CFAP54: variants seen among roughly 807,000 people sequenced by gnomAD.
CFAP54 encodes cilia and flagella associated protein 54.
In CFAP54, 290 loss-of-function variants were observed where a neutral mutation model predicts 370.4. The observed-to-expected ratio is 0.78, with a 90% CI of 0.71 to 0.86. The LOEUF (loss-of-function observed/expected upper bound fraction) is 0.86. Among genes scored for constraint, CFAP54 ranks in the 40% least tolerant of loss-of-function variants. The pLI is 0.00. For synonymous variants in CFAP54, 1,206 were observed against 1,236.5 expected (o/e 0.98, Z 0.52); for missense variants, 3,399 against 3,528.7 (o/e 0.96, Z 0.93).
intron 60 of CFAP54, among the ~76,000 whole-genome samples, chr12:96,782,542 C>T (rs1014507408): frequency 3.3e-5 from 5 of 151,890 alleles, no homozygotes; most frequent in Non-Finnish European, 5.9e-5. Context: ...TATATAAGAC[C>T]TCTAGGGATT....
At chr12:96,727,868 C>T (rs1035537585) in intron 50 of CFAP54, among the ~76,000 whole-genome samples, 6 of 151,192 alleles carry the variant, frequency 4.0e-5, no homozygotes, top group Non-Finnish European at 2.9e-5. Context: ...TTAGGGCAGG[C>T]CTGGTGGTGA....
At chr12:96,734,474 T>A (rs143203586) in intron 50 of CFAP54, among the ~76,000 whole-genome samples, 20 of 152,318 alleles carry the variant, frequency 1.3e-4, no homozygotes, top group African/African-American at 4.8e-4. Context: ...TGGATTATTA[T>A]AAGGATTAAA....
At chr12:96,576,174 C>A (rs1023184512) in intron 19 of CFAP54, among the ~76,000 whole-genome samples, 12 of 151,862 alleles carry the variant, frequency 7.9e-5, no homozygotes, top group Non-Finnish European at 2.9e-5. Context: ...TACCAATATT[C>A]TTATTATTTG....
chr12:96,748,483 T>G (rs1016091883), intron 55 of CFAP54, among the ~76,000 whole-genome samples: 1 of 152,212 alleles, frequency 6.6e-6, no homozygotes, highest in African/African-American at 2.4e-5. Context: ...GTCTCTGTTC[T>G]GCTTCATAGG....
chr12:96,769,479 G>A (rs2136676650), intron 60 of CFAP54, among the ~76,000 whole-genome samples: 1 of 152,316 alleles, frequency 6.6e-6, no homozygotes, highest in East Asian at 1.9e-4. Context: ...GTAGGTATGT[G>A]AAATATAGCT....
chr12:96,512,800 T>A (rs1955188055), intron 4 of CFAP54, among the ~76,000 whole-genome samples, 186 bp from the exon 5 acceptor site: 1 of 152,264 alleles, frequency 6.6e-6, no homozygotes, highest in African/African-American at 2.4e-5. Flanking sequence ...GCCATGTTAA[T>A]TATTTTAATG....
intron 6 of CFAP54, 97 bp from the exon 7 acceptor site, chr12:96,521,760 G>T: frequency 1.1e-6 from 1 of 904,924 alleles, no homozygotes; most frequent in Non-Finnish European, 1.6e-6. Flanking sequence ...TTAATTCACA[G>T]ATTAAATCAA....
chr12:96,769,546 C>T (rs867782601), intron 60 of CFAP54, among the ~76,000 whole-genome samples: 3 of 152,218 alleles, frequency 2.0e-5, no homozygotes, highest in African/African-American at 7.2e-5. Flanking sequence ...TGTCTTGGCT[C>T]CTTGCTGTGA....
At chr12:96,546,378 C>A (rs1955640105) in intron 14 of CFAP54, among the ~76,000 whole-genome samples, 1 of 152,078 alleles carries the variant, frequency 6.6e-6, no homozygotes, top group South Asian at 2.1e-4. Context: ...CTCCACACTT[C>A]CTTCCCAAGA....
chr12:96,822,036 A>G (rs1305906082), intron 65 of CFAP54, among the ~76,000 whole-genome samples: 1 of 152,206 alleles, frequency 6.6e-6, no homozygotes, highest in Non-Finnish European at 1.5e-5. Flanking sequence ...AGGGTCCAGA[A>G]TAAGCCAAGA....
At chr12:96,699,633 G>A (rs553215442) in intron 45 of CFAP54, among the ~76,000 whole-genome samples, 1 of 151,946 alleles carries the variant, frequency 6.6e-6, no homozygotes, top group East Asian at 1.9e-4. Flanking sequence ...AGTTAGTAAT[G>A]GGAACAAAAA....
At chr12:96,662,174 T>C (rs558377185) in intron 38 of CFAP54, among the ~76,000 whole-genome samples, 3 of 152,316 alleles carry the variant, frequency 2.0e-5, no homozygotes, top group African/African-American at 7.2e-5. Context: ...CTAATCACCC[T>C]GAACCCCACT....
intron 1 of CFAP54, among the ~76,000 whole-genome samples, chr12:96,493,077 T>C (rs79268928): frequency 0.12 from 18,437 of 152,214 alleles, 1,205 homozygotes; most frequent in Middle Eastern, 0.18. Context: ...TGGGCCAGTC[T>C]ATAAGTACAG....
rs2136513079 is a variant in CFAP54, at chr12:96,657,957, C to G, written c.5176C>G (p.Leu1726Val). ...TAAAAATGACAACGGTGGTTCTAGT[C>G]TTACCTTTGAGCATCCTTTGGATGA... ...NIKNDNGGSS[L>V]TFEHPLDDVN... Residue 1726 changes from leucine to valine, a missense_variant, in exon 37 of 68, where the codon CTT becomes GTT. Coordinates refer to ENST00000524981, the MANE Select transcript of CFAP54 (RefSeq NM_001306084.2). 2 of 1,613,684 alleles carry G rather than the reference C, an allele frequency of 1.2e-6. No homozygotes were observed. The highest frequency in any genetic ancestry group is 4.5e-5 in the East Asian group (2 of 44,832).
chr12:96,584,807 A>G (rs568990991), intron 22 of CFAP54, among the ~76,000 whole-genome samples: 2 of 152,312 alleles, frequency 1.3e-5, no homozygotes, highest in Non-Finnish European at 2.9e-5. Context: ...TAGGTCTCAT[A>G]CTTCTGGTTC....
chr12:96,739,176 T>C (rs1254573857), intron 50 of CFAP54, among the ~76,000 whole-genome samples: 1 of 152,130 alleles, frequency 6.6e-6, no homozygotes, highest in Non-Finnish European at 1.5e-5. Context: ...TCCAGTTTTT[T>C]TTTAATGTGT....
chr12:96,753,620 C>A, intron 55 of CFAP54, 123 bp from the exon 56 acceptor site: 1 of 911,588 alleles, frequency 1.1e-6, no homozygotes, highest in Non-Finnish European at 1.6e-6. Context: ...ATGCTAAAAA[C>A]TGTAAAAACT....
chr12:96,644,700 A>G (rs984214944), intron 33 of CFAP54, among the ~76,000 whole-genome samples: 3 of 152,168 alleles, frequency 2.0e-5, no homozygotes, highest in African/African-American at 4.8e-5. Context: ...GTGGCAGGAG[A>G]GAGAAGTGCA....
intron 20 of CFAP54, among the ~76,000 whole-genome samples, chr12:96,580,321 A>T (rs2136424985): frequency 6.6e-6 from 1 of 152,252 alleles, no homozygotes; most frequent in Non-Finnish European, 1.5e-5. Flanking sequence ...CATATTAGAA[A>T]ATATCTGTAA....
Sources: gnomAD v4.1 joint callset for allele counts (sites outside exome capture counted in the v4.1 genomes callset) on GRCh38, gnomAD v4.1.1 for gene constraint, MANE v1.5 for transcripts, NCBI Gene and HGNC (gene_info 2026-07-23, HGNC 2026-07-21) for gene names.